The following GPC5 variants were observed in gnomAD, a reference collection of about 807,000 sequenced individuals.
GPC5 encodes glypican 5.
A neutral mutation model predicts 53.9 loss-of-function variants in GPC5; 47 were observed. The ratio of observed to expected loss-of-function variants is 0.87; its 90% CI spans 0.69 to 1.11. The LOEUF is 1.11. GPC5 is among the 50% of genes most tolerant of loss of function. The pLI, the probability that GPC5 is intolerant of heterozygous loss-of-function variation, is 0.00. For missense variants in GPC5, 748 were observed against 713.1 expected, an observed-to-expected ratio of 1.05 and a Z score of -0.56; for synonymous variants, 286 against 263.3, an observed-to-expected ratio of 1.09 and a Z score of -0.84.
At chr13:92,531,123 A>G (rs954436578) in intron 7 of GPC5, among the ~76,000 whole-genome samples, 2 of 152,178 alleles carry the variant, frequency 1.3e-5, no homozygotes, top group African/African-American at 4.8e-5. Context: ...TTAGATGTTG[A>G]AACTTGGCAG....
chr13:91,821,196 C>G (rs2038489504), intron 5 of GPC5, among the ~76,000 whole-genome samples: 1 of 152,124 alleles, frequency 6.6e-6, no homozygotes, highest in African/African-American at 2.4e-5. Flanking sequence ...TCTCACACAT[C>G]TATTTACAGT....
chr13:91,693,614 C>T lies in GPC5; in HGVS notation c.753C>T (p.Ala251=), dbSNP rs753514799. 3 of 1,614,012 alleles carry T rather than the reference C, an allele frequency of 1.9e-6. No individual in the cohort carries two copies. The highest frequency in any genetic ancestry group is 2.5e-6 in the Non-Finnish European group (3 of 1,180,024). ...YLHFSKECSR[A]LLKMQYCPHC... Reference sequence around the variant, plus strand: ...ACTTCTCCAAAGAGTGCAGCAGAGCCCTCCTGAAGATGCAATACTGCCCGC... The same window carrying T: ...ACTTCTCCAAAGAGTGCAGCAGAGCTCTCCTGAAGATGCAATACTGCCCGC... Residue 251 remains alanine (A), a synonymous_variant, in exon 3 of 8, where the codon GCC becomes GCT. Transcript: ENST00000377067.
At chr13:92,780,920 T>G (rs549676259) in intron 7 of GPC5, among the ~76,000 whole-genome samples, 6 of 152,176 alleles carry the variant, frequency 3.9e-5, no homozygotes, top group Admixed American at 3.3e-4. Flanking sequence ...TTTTTATAAA[T>G]CAGTATCTTC....
At chr13:92,189,044 A>C (rs1262638429) in intron 7 of GPC5, among the ~76,000 whole-genome samples, 1 of 152,166 alleles carries the variant, frequency 6.6e-6, no homozygotes, top group African/African-American at 2.4e-5. Context: ...TGGATAATTG[A>C]TGCATTGCTG....
At chr13:92,060,251 G>T (rs2041111935) in intron 6 of GPC5, among the ~76,000 whole-genome samples, 1 of 151,846 alleles carries the variant, frequency 6.6e-6, no homozygotes, top group African/African-American at 2.4e-5. Context: ...ATGAATTATT[G>T]ATTAAAATGT....
chr13:91,609,560 T>C (rs1014805803), intron 2 of GPC5, among the ~76,000 whole-genome samples: 44 of 152,124 alleles, frequency 2.9e-4, no homozygotes, highest in African/African-American at 1.0e-3. Flanking sequence ...ACCCAGCATA[T>C]GAGTCGAATG....
intron 2 of GPC5, among the ~76,000 whole-genome samples, chr13:91,566,096 A>G (rs895739896): frequency 6.6e-6 from 1 of 152,136 alleles, no homozygotes; most frequent in Non-Finnish European, 1.5e-5. Flanking sequence ...TACATGTGCA[A>G]AGACCTTTTT....
At chr13:91,555,957 T>A (rs1210006586) in intron 2 of GPC5, among the ~76,000 whole-genome samples, 2 of 151,994 alleles carry the variant, frequency 1.3e-5, no homozygotes, top group East Asian at 1.9e-4. Context: ...CAATTCAAGA[T>A]GAGATTTGGG....
At chr13:92,778,831 A>T (rs775340119) in intron 7 of GPC5, among the ~76,000 whole-genome samples, 1 of 152,180 alleles carries the variant, frequency 6.6e-6, no homozygotes, top group Non-Finnish European at 1.5e-5. Flanking sequence ...AAACACGATC[A>T]ATAATTTAAA....
chr13:92,286,787 T>C lies in GPC5; in HGVS notation c.1561+141798T>C, dbSNP rs189659081. ...CAGTAGGAGAGATACCTAATGTAAA[T>C]GATGAGTTAATGGGTGCAGCACACC... On this transcript the variant is annotated intron_variant, in intron 7 of 7. Coordinates refer to ENST00000377067, the MANE Select transcript of GPC5 (RefSeq NM_004466.6). Among the ~76,000 whole-genome samples, 926 of 151,596 alleles carry C rather than the reference T, an allele frequency of 6.1e-3. 10 individuals are homozygous for C. Among genetic ancestry groups the C allele is most frequent in the African/African-American group, 0.021 (877 of 41,246 alleles).
chr13:91,943,008 TA>T (rs2039942077), intron 6 of GPC5, among the ~76,000 whole-genome samples: 1 of 152,130 alleles, frequency 6.6e-6, no homozygotes, highest in Non-Finnish European at 1.5e-5. Context: ...CTCTGTTTTT[TA>T]TTTGAGAATT....
intron 5 of GPC5, among the ~76,000 whole-genome samples, chr13:91,831,034 TTA>T (rs1261913081): frequency 2.2e-5 from 3 of 138,944 alleles, no homozygotes; most frequent in Non-Finnish European, 1.5e-5. Context: ...ATATATCCTA[TTA>T]TATATATTAT....
intron 2 of GPC5, among the ~76,000 whole-genome samples, chr13:91,627,529 T>C (rs1359052818): frequency 6.6e-6 from 1 of 152,040 alleles, no homozygotes; most frequent in Non-Finnish European, 1.5e-5. Flanking sequence ...GACATATCTA[T>C]TAGGAATAGG....
At chr13:91,951,533 T>A (rs2040025947) in intron 6 of GPC5, among the ~76,000 whole-genome samples, 1 of 152,138 alleles carries the variant, frequency 6.6e-6, no homozygotes, top group South Asian at 2.1e-4. Flanking sequence ...TTGCTGAAAG[T>A]TGTGTCAGAA....
chr13:92,437,554 A>G (rs920259991), intron 7 of GPC5, among the ~76,000 whole-genome samples: 1 of 152,166 alleles, frequency 6.6e-6, no homozygotes, highest in African/African-American at 2.4e-5. Flanking sequence ...AAATTCTTAT[A>G]GTTGCGTTAA....
chr13:91,796,020 C>T (rs185169338), intron 5 of GPC5, among the ~76,000 whole-genome samples: 64 of 152,168 alleles, frequency 4.2e-4, no homozygotes, highest in African/African-American at 1.3e-3. Context: ...AAGATGGTGG[C>T]GGGCTACTCC....
intron 6 of GPC5, among the ~76,000 whole-genome samples, chr13:91,989,406 C>T (rs1402554692): frequency 6.6e-6 from 1 of 152,140 alleles, no homozygotes; most frequent in Non-Finnish European, 1.5e-5. Context: ...AGAAATTGAA[C>T]TGATGCTACC....
intron 6 of GPC5, among the ~76,000 whole-genome samples, chr13:91,990,759 A>C (rs1211370890): frequency 1.3e-5 from 2 of 152,186 alleles, no homozygotes; most frequent in East Asian, 3.9e-4. Flanking sequence ...ACCAGGAGGC[A>C]TTTTCCTTAC....
chr13:92,328,471 T>C (rs369955560), intron 7 of GPC5, among the ~76,000 whole-genome samples: 4 of 152,096 alleles, frequency 2.6e-5, no homozygotes, highest in African/African-American at 9.7e-5. Flanking sequence ...AGGAAAAGTA[T>C]CAATCAAGGT....
Sources: allele counts gnomAD v4.1 joint callset (sites outside exome capture counted in the v4.1 genomes callset), GRCh38; gene constraint gnomAD v4.1.1; transcripts MANE v1.5; gene names NCBI Gene and HGNC (gene_info 2026-07-23, HGNC 2026-07-21).